Variants in SLC38A10 observed in about 807,000 individuals in gnomAD.
SLC38A10 encodes the protein Sodium-coupled neutral amino acid transporter 10.
In SLC38A10, 53 loss-of-function variants were observed where a neutral mutation model predicts 81.0. That is an observed-to-expected ratio of 0.65 (90% CI 0.53 to 0.82). The LOEUF is 0.82. Among genes scored for constraint, SLC38A10 ranks in the 40% least tolerant of loss-of-function variants. SLC38A10 has a pLI of 0.00. For synonymous variants in SLC38A10, 665 were observed against 655.3 expected (o/e 1.01, Z -0.23); for missense variants, 1,471 against 1,545.0 (o/e 0.95, Z 0.80).
chr17:81,292,087 T>G (rs1386679430), intron 1 of SLC38A10, among the ~76,000 whole-genome samples: 1 of 152,036 alleles, frequency 6.6e-6, no homozygotes. Flanking sequence ...ATATAATCTA[T>G]ATAGATCTAT....
At chr17:81,269,921 G>A (rs763502508) in intron 10 of SLC38A10, among the ~76,000 whole-genome samples, 7 of 151,978 alleles carry the variant, frequency 4.6e-5, no homozygotes, top group South Asian at 2.1e-4. Context: ...CCGAGACTGC[G>A]CCACTGCACC....
Position 81,286,753 on chromosome 17 carries a change from C to T in SLC38A10, c.218-1858G>A, listed in dbSNP as rs1219484190. 6.6e-6 allele frequency among the ~76,000 whole-genome samples: 1 copy of T among 152,168 alleles called. No homozygotes were observed. Among genetic ancestry groups the T allele is most frequent in the Non-Finnish European group, 1.5e-5 (1 of 68,026 alleles). ...ATCTCCCCCAGAGCCAGCACAGGAG[C>T]CACAGAAGCCTGGACCACCCAACGA... On this transcript the variant is annotated intron_variant, in intron 2 of 15. Transcript: ENST00000374759. This position sits in a 1 kb window ranked among gnomAD's most constrained non-coding sequence, Gnocchi z 6.0.
chr17:81,250,412 C>T (rs773579811), intron 14 of SLC38A10, among the ~76,000 whole-genome samples: 20 of 152,388 alleles, frequency 1.3e-4, no homozygotes, highest in Non-Finnish European at 2.2e-4. Context: ...TGCCCTCCCT[C>T]GGACCGGCTG....
rs1303145708 is a variant in SLC38A10 at position 81,275,654 on chromosome 17, C to T, written c.912+315G>A. ...GGCTGAGGCAGGAGAATGGCGTGAA[C>T]CCGGGAGGCGGAGCTTGCAGTGAGT... On this transcript the variant is annotated intron_variant, in intron 8 of 15. Transcript: ENST00000374759. 2.8e-5 allele frequency among the ~76,000 whole-genome samples: 4 copies of T among 145,144 alleles called. No individual in the cohort carries two copies. The Admixed American group carries it at 2.8e-4, about 10-fold the overall frequency.
Position 81,282,228 on chromosome 17 carries a change from G to T in SLC38A10, c.462C>A (p.Ser154Arg). Reference sequence around the variant, plus strand: ...CGGTGTAGAAGAGGAGGGCCATGGCGCTGAAGGACTGGATGGAGGCCATCA... The same window carrying T: ...CGGTGTAGAAGAGGAGGGCCATGGCTCTGAAGGACTGGATGGAGGCCATCA... ...RNMMASIQSF[S>R]AMALLFYTVF... The change falls in exon 5 of 16, where the codon AGC (serine) becomes AGA (arginine). Residue 154 changes from serine (S) to arginine (R), a missense_variant. Transcript: ENST00000374759. 6.2e-7 allele frequency: 1 copy of T among 1,613,726 alleles called. No homozygotes were observed. The highest frequency in any genetic ancestry group is 8.5e-7 in the Non-Finnish European group (1 of 1,180,008).
chr17:81,283,588 G>A lies in SLC38A10; in HGVS notation c.264-86C>T, dbSNP rs936395173. ...GCCGCCAGGGACTACCCCAAGGCTG[G>A]GCTGAATGACAGATGTGATTTCTTT... On this transcript the variant is annotated intron_variant, in intron 3 of 15. Coordinates refer to ENST00000374759, the MANE Select transcript of SLC38A10 (RefSeq NM_001037984.3). The surrounding 1 kb of genome is among the most constrained non-coding windows in gnomAD (Gnocchi z 4.7). 19 of 941,692 alleles carry A rather than the reference G, an allele frequency of 2.0e-5. No homozygotes were observed. Among genetic ancestry groups the A allele is most frequent in the Non-Finnish European group, 2.9e-5 (18 of 613,956 alleles). 58.3% of individuals were successfully genotyped at this position (941,692 alleles called of 1,614,324 possible). A position where few individuals can be genotyped will look rare whatever the true frequency, so the allele number is the denominator to read the frequency against.
At position 81,289,644 on chromosome 17, in the gene SLC38A10, G is replaced by A. The variant is rs758669373; in HGVS notation, c.217+47C>T. On this transcript the variant is annotated intron_variant, in intron 2 of 15. Coordinates refer to ENST00000374759, the MANE Select transcript of SLC38A10 (RefSeq NM_001037984.3). The surrounding 1 kb of genome is among the most constrained non-coding windows in gnomAD (Gnocchi z 5.9). ...ATAAATAAATAAATAAATGGAATAA[G>A]GCCCCCGCCCCAGGTCCAGAGCCAC... 1.5e-6 allele frequency: 2 copies of A among 1,304,496 alleles called. No individual in the cohort carries two copies. Among genetic ancestry groups the A allele is most frequent in the Non-Finnish European group, 2.1e-6 (2 of 948,234 alleles). The allele number at this position is 1,304,496 out of a possible 1,614,324, so 80.8% of individuals were successfully genotyped here.
chr17:81,282,459 C>T (rs1422494950), intron 4 of SLC38A10, 127 bp from the exon 5 acceptor site: 59 of 1,331,076 alleles, frequency 4.4e-5, no homozygotes, highest in Non-Finnish European at 5.0e-5. Flanking sequence ...ATGACGCCGG[C>T]GGGTCTGAGG....
rs992244834 is a variant in SLC38A10, at chr17:81,286,200, G to A, written c.218-1305C>T. Among the ~76,000 whole-genome samples, 1 of 152,204 alleles carries A rather than the reference G, an allele frequency of 6.6e-6. No individual in the cohort carries two copies. Among genetic ancestry groups the A allele is most frequent in the Non-Finnish European group, 1.5e-5 (1 of 68,042 alleles). On this transcript the variant is annotated intron_variant, in intron 2 of 15. Coordinates refer to ENST00000374759, the MANE Select transcript of SLC38A10 (RefSeq NM_001037984.3). The surrounding 1 kb of genome is among the most constrained non-coding windows in gnomAD (Gnocchi z 6.0). ...AACACGGCGCTCCAAACATGAAGTT[G>A]CTCCTGGCCATAATGTGCCTTTTCA... is the stretch of plus-strand genomic sequence containing the variant.
rs2063222385 is a variant in SLC38A10 at position 81,282,417 on chromosome 17, C to G, written c.358-85G>C. 2.0e-6 allele frequency: 3 copies of G among 1,515,756 alleles called. No homozygotes were observed. In the Admixed American group the frequency reaches 6.1e-5, roughly 31 times the overall value. The allele number at this position is 1,515,756 out of a possible 1,614,324, so 93.9% of individuals were successfully genotyped here. ...CTGCACTGACAGGGAGTGGGAGCGC[C>G]CCGAGCCCGAAAGCCGACGGCATCC... On this transcript the variant is annotated intron_variant, in intron 4 of 15. Transcript: ENST00000374759.
Position 81,251,022 on chromosome 17 carries a change from T to C in SLC38A10, c.2065+471A>G, listed in dbSNP as rs976997639. The C allele has an allele frequency of 3.5e-6, 5 of 1,419,026 alleles. No homozygotes were observed. In the African/African-American group the frequency reaches 7.2e-5, roughly 20 times the overall value. 87.9% of individuals were successfully genotyped at this position (1,419,026 alleles called of 1,614,324 possible). On this transcript the variant is annotated intron_variant, in intron 14 of 15. Transcript: ENST00000374759. The stretch of plus-strand genomic sequence containing the variant: ...GCAGTGCTCTGGGCCAGGGCTATGC[T>C]AGGACCAGGGCGGGCACAGCCACCC...
At chr17:81,250,183 A>T in intron 14 of SLC38A10, 1 of 1,215,692 alleles carries the variant, frequency 8.2e-7, no homozygotes. Context: ...CAAAAGAATC[A>T]AACAGGTTCA....
chr17:81,280,653 G>A lies in SLC38A10; in HGVS notation c.582C>T (p.Val194=). 2.5e-6 allele frequency: 4 copies of A among 1,612,320 alleles called. No individual in the cohort carries two copies. The highest frequency in any genetic ancestry group is 3.4e-6 in the Non-Finnish European group (4 of 1,179,690). Residue 194 remains valine, a synonymous_variant, in exon 6 of 16, where the codon GTC becomes GTT. Coordinates refer to ENST00000374759, the MANE Select transcript of SLC38A10 (RefSeq NM_001037984.3). ...TGCCGAAGATGGGGATGCAGCGGAAGACGCCCTCCCAGCGGACGTAGCTGA... is the reference window on the plus strand; with the variant it reads ...TGCCGAAGATGGGGATGCAGCGGAAAACGCCCTCCCAGCGGACGTAGCTGA... ...RRVSYVRWEG[V]FRCIPIFGMS...
In SLC38A10 at chr17:81,276,133, C is replaced by A. The variant is rs770620614; in HGVS notation, c.748G>T (p.Val250Phe). Residue 250 changes from valine to phenylalanine, a missense_variant, in exon 8 of 16, where the codon GTC becomes TTC. By Grantham distance (50) the Val-to-Phe change is conservative. This residue lies in a region of SLC38A10 where 720 missense variants were observed against 827.7 expected (regional missense o/e 0.87). Transcript: ENST00000374759. This position sits in a 1 kb window ranked among gnomAD's most constrained non-coding sequence, Gnocchi z 4.7. Reference protein sequence around the residue: ...FYVMVGFFGYVSFTEATAGNV... With the variant: ...FYVMVGFFGYFSFTEATAGNV... ...CCGGCCGTGGCCTCGGTGAAGCTGA[C>A]GTAGCCGAAAAACCCCACCTGTTGG... The A allele has an allele frequency of 2.5e-6, 4 of 1,612,050 alleles. No homozygotes were observed. The highest frequency in any genetic ancestry group is 1.7e-5 in the Admixed American group (1 of 59,830).
At chr17:81,264,734 C>T (rs565623876) in intron 10 of SLC38A10, 1 of 152,310 alleles carries the variant, frequency 6.6e-6, no homozygotes, top group African/African-American at 2.4e-5. Flanking sequence ...TCAGGGCAGC[C>T]CAGCTGGCAT....
At position 81,246,894 on chromosome 17, in the gene SLC38A10, G is replaced by A; in HGVS notation, c.2233C>T (p.Pro745Ser). 3 of 1,598,154 alleles carry A rather than the reference G, an allele frequency of 1.9e-6. No homozygotes were observed. In the South Asian group the frequency reaches 3.3e-5, roughly 18 times the overall value. ...CGCCAGCCCGGCCTACCCTGCCTGG[G>A]TTTATCCTCCTCGTCCTCCTGCCTC... The part of the protein sequence containing the change: ...QQRQEDEEDK[P>S]RQVEVHQEPG... Residue 745 changes from proline to serine, a missense_variant, in exon 15 of 16, where the codon CCC becomes TCC. Pro to Ser is a moderately conservative substitution (Grantham distance 74). Coordinates refer to ENST00000374759, the MANE Select transcript of SLC38A10 (RefSeq NM_001037984.3).
intron 14 of SLC38A10, among the ~76,000 whole-genome samples, chr17:81,250,274 G>C (rs1403748269): frequency 6.6e-6 from 1 of 152,248 alleles, no homozygotes; most frequent in African/African-American, 2.4e-5. Context: ...CCGAACTCCT[G>C]AAGTGGCTCA....
At position 81,246,118 on chromosome 17, in the gene SLC38A10, C is replaced by T. The variant is rs1288801757; in HGVS notation, c.2798G>A (p.Arg933Gln). 8.1e-6 allele frequency: 13 copies of T among 1,609,002 alleles called. No individual in the cohort carries two copies. Among genetic ancestry groups the T allele is most frequent in the African/African-American group, 4.0e-5 (3 of 74,942 alleles). Residue 933 changes from arginine to glutamine, a missense_variant, in exon 16 of 16, where the codon CGA becomes CAA. Around this residue, in one of 2 missense-constraint regions of SLC38A10, gnomAD observed 751 missense variants for 717.4 expected, o/e 1.05. Transcript: ENST00000374759. ...DPRMKPKQVS[R>Q]DLGLAADLPG... ...CAGGTCCGCTGCAAGGCCCAGGTCT[C>T]GGCTCACTTGCTTGGGCTTCATGCG...
chr17:81,249,580 A>T (rs955479316), intron 14 of SLC38A10, among the ~76,000 whole-genome samples: 1 of 121,050 alleles, frequency 8.3e-6, no homozygotes, highest in African/African-American at 3.5e-5. Flanking sequence ...GAGCCATGCC[A>T]CGTCCAGCCA....
Sources: allele counts gnomAD v4.1 joint callset (sites outside exome capture counted in the v4.1 genomes callset), GRCh38; gene constraint gnomAD v4.1.1; regional missense constraint gnomAD v4.1.1; non-coding constraint Gnocchi (gnomAD v3.1); transcripts MANE v1.5; gene names NCBI Gene and HGNC (gene_info 2026-07-23, HGNC 2026-07-21).